Variants in MRAP2 observed in about 807,000 individuals in gnomAD.
MRAP2 encodes the protein melanocortin-2 receptor accessory protein 2.
In MRAP2, 20 loss-of-function variants were observed where a neutral mutation model predicts 17.4. The observed-to-expected ratio is 1.15, with a 90% CI of 0.81 to 1.67. MRAP2 has a LOEUF of 1.67. Among genes scored for constraint, MRAP2 ranks in the 40% most tolerant of loss-of-function variants. The pLI is 0.00. For missense variants in MRAP2, 238 were observed against 240.0 expected (o/e 0.99, Z 0.05); for synonymous variants, 96 against 88.4 (o/e 1.09, Z -0.48).
the MRAP2 span, among the ~76,000 whole-genome samples, chr6:84,107,930 C>T: frequency 6.6e-6 from 1 of 152,192 alleles, no homozygotes; most frequent in Non-Finnish European, 1.5e-5. Flanking sequence ...CAAGAATACA[C>T]CAAACCAGGA....
chr6:84,114,726 C>T, the MRAP2 span, among the ~76,000 whole-genome samples: 3 of 152,140 alleles, frequency 2.0e-5, no homozygotes, highest in Non-Finnish European at 4.4e-5. Context: ...TACCTTTGCT[C>T]TTTGATGTTG....
the MRAP2 span, among the ~76,000 whole-genome samples, chr6:84,106,380 C>T: frequency 1.3e-5 from 2 of 152,190 alleles, no homozygotes; most frequent in Non-Finnish European, 2.9e-5. Context: ...AATGCTGCCC[C>T]TTCCATGATG....
Position 84,089,369 on chromosome 6 carries a change from T to C in MRAP2, c.506T>C (p.Phe169Ser), listed in dbSNP as rs2099501266. ...NRLMKFDIPNFVNTDQNYFGE... is the reference protein window; with the variant it reads ...NRLMKFDIPNSVNTDQNYFGE... ...CTCATGAAGTTTGACATCCCCAACT[T>C]TGTGAACACAGACCAGAACTACTTT... The change falls in exon 4 of 4, where the codon TTT becomes TCT. Residue 169 changes from phenylalanine (F) to serine (S), a missense_variant. By Grantham distance (155) the Phe-to-Ser change is radical (BLOSUM62 -2). Transcript: ENST00000257776. The C allele has an allele frequency of 1.2e-6, 2 of 1,614,170 alleles. No individual in the cohort carries two copies. Among genetic ancestry groups the C allele is most frequent in the East Asian group, 4.5e-5 (2 of 44,882 alleles).
intron 1 of MRAP2, among the ~76,000 whole-genome samples, chr6:84,044,317 G>A (rs183246792): frequency 4.9e-4 from 74 of 152,310 alleles, no homozygotes; most frequent in Admixed American, 1.6e-3. Flanking sequence ...CTCCCAAGTA[G>A]CTGGGATTAA....
chr6:84,073,650 C>T (rs2099496816), intron 3 of MRAP2, among the ~76,000 whole-genome samples: 1 of 152,200 alleles, frequency 6.6e-6, no homozygotes, highest in Admixed American at 6.5e-5. Flanking sequence ...ACATACTGTG[C>T]CAAGCACGGG....
At chr6:84,100,258 T>A in the MRAP2 span, among the ~76,000 whole-genome samples, 2 of 152,132 alleles carry the variant, frequency 1.3e-5, no homozygotes, top group African/African-American at 4.8e-5. Context: ...TTATTTTTAT[T>A]TTTATTTGTT....
At position 84,089,655 on chromosome 6, in the gene MRAP2, G is replaced by A. The variant is rs2099501358; in HGVS notation, c.*174G>A. 4.2e-6 allele frequency: 3 copies of A among 721,638 alleles called. No homozygotes were observed. The East Asian group carries it at 8.2e-5, about 20-fold the overall frequency. The allele number at this position is 721,638 out of a possible 1,614,324, so 44.7% of individuals were successfully genotyped here. ...AGAGCTGAGCTGATTAAGCTGAGTG[G>A]TTTTTTGTTTTGTTTTGTTTTTGCT... On this transcript the variant is annotated 3_prime_UTR_variant, in exon 4 of 4. Coordinates refer to ENST00000257776, the MANE Select transcript of MRAP2 (RefSeq NM_138409.4).
intron 3 of MRAP2, among the ~76,000 whole-genome samples, chr6:84,075,326 T>G (rs1237866838): frequency 6.6e-6 from 1 of 152,202 alleles, no homozygotes; most frequent in East Asian, 1.9e-4. Context: ...TGGTGAGCAC[T>G]GAGAAGGTAG....
At chr6:84,106,746 T>G in the MRAP2 span, among the ~76,000 whole-genome samples, 1 of 152,176 alleles carries the variant, frequency 6.6e-6, no homozygotes, top group Non-Finnish European at 1.5e-5. Flanking sequence ...TGTAACATAC[T>G]TATGCCTTCG....
At chr6:84,078,453 A>T (rs1227867288) in intron 3 of MRAP2, among the ~76,000 whole-genome samples, 2 of 152,224 alleles carry the variant, frequency 1.3e-5, no homozygotes, top group Non-Finnish European at 2.9e-5. Context: ...CTCCCATTGG[A>T]ATGTCTAACA....
At chr6:84,037,191 A>G (rs1443725506) in intron 1 of MRAP2, among the ~76,000 whole-genome samples, 1 of 152,138 alleles carries the variant, frequency 6.6e-6, no homozygotes, top group South Asian at 2.1e-4. Flanking sequence ...TGTGATTACA[A>G]ACCTTGAGCT....
the MRAP2 span, among the ~76,000 whole-genome samples, chr6:84,137,735 G>T: frequency 1.3e-5 from 2 of 152,042 alleles, no homozygotes; most frequent in Admixed American, 6.6e-5. Context: ...CAGTCAATTA[G>T]AAGTGGAACA....
the MRAP2 span, among the ~76,000 whole-genome samples, chr6:84,120,166 T>C: frequency 6.6e-6 from 1 of 152,188 alleles, no homozygotes; most frequent in African/African-American, 2.4e-5. Context: ...AAGGGTGTCT[T>C]AGCTCCAGAG....
chr6:84,104,388 A>C, the MRAP2 span, among the ~76,000 whole-genome samples: 1 of 152,244 alleles, frequency 6.6e-6, no homozygotes, highest in East Asian at 1.9e-4. Flanking sequence ...GGGGATAAAA[A>C]TTCGGCTCCT....
At chr6:84,049,893 A>G (rs2099489974) in intron 1 of MRAP2, among the ~76,000 whole-genome samples, 2 of 152,128 alleles carry the variant, frequency 1.3e-5, no homozygotes, top group African/African-American at 4.8e-5. Flanking sequence ...TTTCTAGGAT[A>G]CACTAGAGAA....
the MRAP2 span, chr6:84,124,717 CT>C: frequency 1.1e-5 from 3 of 283,104 alleles, no homozygotes; most frequent in South Asian, 7.2e-5. Context: ...CATGTACCCC[CT>C]GGATCTAAAA....
intron 3 of MRAP2, among the ~76,000 whole-genome samples, chr6:84,085,169 C>T (rs1027641813): frequency 6.6e-6 from 1 of 151,662 alleles, no homozygotes; most frequent in Non-Finnish European, 1.5e-5. Flanking sequence ...ATTCTCCTGC[C>T]TCAGCCTCCC....
chr6:84,096,371 ATGT>A, the MRAP2 span, among the ~76,000 whole-genome samples: 7 of 152,124 alleles, frequency 4.6e-5, no homozygotes, highest in African/African-American at 7.2e-5. Context: ...TTTAACACAA[ATGT>A]TGTTCGACTT....
At chr6:84,123,808 T>C in the MRAP2 span, among the ~76,000 whole-genome samples, 2 of 152,054 alleles carry the variant, frequency 1.3e-5, no homozygotes, top group African/African-American at 4.8e-5. Context: ...GGAAAATATA[T>C]GCAAGTTATT....
Sources: allele counts gnomAD v4.1 joint callset (sites outside exome capture counted in the v4.1 genomes callset), GRCh38; gene constraint gnomAD v4.1.1; transcripts MANE v1.5; gene names NCBI Gene and HGNC (gene_info 2026-07-23, HGNC 2026-07-21).